The following MYT1L variants were observed in gnomAD, a reference collection of about 807,000 sequenced individuals.
MYT1L encodes myelin transcription factor 1-like protein.
Under a neutral mutation model 126.7 loss-of-function variants are expected in MYT1L, and 12 were observed. The ratio of observed to expected loss-of-function variants is 0.09; its 90% CI spans 0.06 to 0.15. MYT1L has a LOEUF of 0.15. Ranked by LOEUF, MYT1L falls within the 10% of genes least tolerant of loss-of-function variation. The pLI is 1.00. For synonymous variants in MYT1L, 541 were observed against 604.2 expected, an observed-to-expected ratio of 0.90 and a Z score of 1.53; for missense variants, 979 against 1,585.2, an observed-to-expected ratio of 0.62 and a Z score of 6.49.
At chr2:1,831,482 C>G (rs1009384085) in intron 21 of MYT1L, among the ~76,000 whole-genome samples, 2 of 152,204 alleles carry the variant, frequency 1.3e-5, no homozygotes, top group Admixed American at 6.5e-5. Flanking sequence ...CCCCTCTCGT[C>G]TGGTCTGCAT....
At position 1,922,995 on chromosome 2, in the gene MYT1L, A is replaced by G; in HGVS notation, c.774T>C (p.Val258=). 1.9e-6 allele frequency: 3 copies of G among 1,614,028 alleles called. No homozygotes were observed. Among genetic ancestry groups the G allele is most frequent in the Non-Finnish European group, 2.5e-6 (3 of 1,179,888 alleles). Residue 258 remains valine, a synonymous_variant, in exon 10 of 25, where the codon GTT becomes GTC. Coordinates refer to ENST00000647738, the MANE Select transcript of MYT1L (RefSeq NM_001303052.2). This position sits in a 1 kb window ranked among gnomAD's most constrained non-coding sequence, Gnocchi z 7.4. ...GTTTAAGGGAGTCCACTGTTTCTCT[A>G]ACAACATCACTGTCTAAGTCTAAAC... The part of the protein sequence containing the change: ...ELSLDLDSDV[V]RETVDSLKLL...
chr2:1,895,418 T>C (rs2049444512), intron 14 of MYT1L, among the ~76,000 whole-genome samples: 1 of 151,976 alleles, frequency 6.6e-6, no homozygotes, highest in Non-Finnish European at 1.5e-5. Context: ...CTAAGCAAAA[T>C]GAACAAAGCC....
intron 4 of MYT1L, among the ~76,000 whole-genome samples, chr2:2,013,831 T>C (rs1482457044): frequency 1.3e-5 from 2 of 152,262 alleles, no homozygotes; most frequent in African/African-American, 4.8e-5. Context: ...GTGCCATTCA[T>C]GCATTCACAT....
At position 1,910,276 on chromosome 2, in the gene MYT1L, A is replaced by C; in HGVS notation, c.1781T>G (p.Val594Gly). Residue 594 changes from valine to glycine, a missense_variant, in exon 13 of 25, where the codon GTG becomes GGG. Coordinates refer to ENST00000647738, the MANE Select transcript of MYT1L (RefSeq NM_001303052.2). The surrounding 1 kb of genome is among the most constrained non-coding windows in gnomAD (Gnocchi z 4.8). Reference protein sequence around the residue: ...KAQEKHQSCDVSKSSQASDRV... With the variant: ...KAQEKHQSCDGSKSSQASDRV... The stretch of plus-strand genomic sequence containing the variant: ...GTCCGAGGCCTGGCTGGACTTGGAC[A>C]CGTCGCAGCTCTGGTGCTTTTCCTG... 6.2e-7 allele frequency: 1 copy of C among 1,613,332 alleles called. No homozygotes were observed. The highest frequency in any genetic ancestry group is 8.5e-7 in the Non-Finnish European group (1 of 1,179,892).
intron 8 of MYT1L, among the ~76,000 whole-genome samples, chr2:1,955,720 A>G (rs1418490405): frequency 6.6e-6 from 1 of 152,216 alleles, no homozygotes; most frequent in Non-Finnish European, 1.5e-5. Flanking sequence ...ACAAGCTGCC[A>G]TGTCTGCACT....
At chr2:2,126,188 G>A (rs911155174) in intron 3 of MYT1L, among the ~76,000 whole-genome samples, 2 of 152,136 alleles carry the variant, frequency 1.3e-5, no homozygotes, top group Non-Finnish European at 2.9e-5. Flanking sequence ...ATGTCTTTCT[G>A]GTCAAGCTGC....
At chr2:1,868,288 T>C (rs2045856638) in intron 18 of MYT1L, among the ~76,000 whole-genome samples, 1 of 152,346 alleles carries the variant, frequency 6.6e-6, no homozygotes, top group Admixed American at 6.5e-5. Context: ...AAGAAAATCA[T>C]TTAAAAATGT....
chr2:1,947,676 C>A (rs1013059205), intron 8 of MYT1L, among the ~76,000 whole-genome samples: 2 of 152,156 alleles, frequency 1.3e-5, no homozygotes, highest in Admixed American at 6.5e-5. Context: ...TCCATTAGAA[C>A]TTGCTGGGCA....
At chr2:1,886,444 A>T (rs2048183124) in intron 18 of MYT1L, 95 bp downstream of exon 18, 7 of 918,334 alleles carry the variant, frequency 7.6e-6, no homozygotes, top group Middle Eastern at 6.1e-4. Flanking sequence ...ATGTTTTTTA[A>T]CAGACATTTT....
intron 3 of MYT1L, among the ~76,000 whole-genome samples, chr2:2,102,705 C>T (rs1283176519): frequency 1.3e-5 from 2 of 150,120 alleles, no homozygotes; most frequent in African/African-American, 4.9e-5. Context: ...TAACTTGATC[C>T]GTGAAGCACT....
chr2:2,074,587 G>A lies in MYT1L; in HGVS notation c.-303-20464C>T, dbSNP rs552549460. Among the ~76,000 whole-genome samples, 4 of 152,288 alleles carry A rather than the reference G, an allele frequency of 2.6e-5. No homozygotes were observed. The East Asian group carries it at 5.8e-4, about 22-fold the overall frequency. On this transcript the variant is annotated intron_variant, in intron 3 of 24. Transcript: ENST00000647738. ...AGGCTTGAAGAAATTCACACCCAAC[G>A]GGATATGGTTAAAAGCAAAAATGAA...
intron 3 of MYT1L, among the ~76,000 whole-genome samples, chr2:2,084,650 A>T (rs2150341449): frequency 6.6e-6 from 1 of 152,278 alleles, no homozygotes; most frequent in South Asian, 2.1e-4. Flanking sequence ...TGAGGTCCCA[A>T]GTGACCATGG....
chr2:1,954,653 T>C (rs2058182519), intron 8 of MYT1L, among the ~76,000 whole-genome samples: 1 of 152,082 alleles, frequency 6.6e-6, no homozygotes, highest in South Asian at 2.1e-4. Context: ...CAAAGACTCA[T>C]GGGATAGCAC....
intron 2 of MYT1L, among the ~76,000 whole-genome samples, chr2:2,236,379 C>CACCCCAGTACATCCCAACCT (rs1559418645): frequency 2.5e-4 from 37 of 148,676 alleles, no homozygotes; most frequent in African/African-American, 9.0e-4. Flanking sequence ...CATCCCAACC[C>CACCCCAGTACATCCCAACCT]ACCCCAGTAC....
Position 2,228,249 on chromosome 2 carries a change from T to C in MYT1L, c.-420-55261A>G, listed in dbSNP as rs2094066660. ...TGAATATCTGATAAAGTCATTTAGC[T>C]TCATAATTACCTTAAGAGCACAAAG... On this transcript the variant is annotated intron_variant, in intron 2 of 24. Transcript: ENST00000647738. This position sits in a 1 kb window ranked among gnomAD's most constrained non-coding sequence, Gnocchi z 5.9. Among the ~76,000 whole-genome samples the C allele has an allele frequency of 6.6e-6, 1 of 152,220 alleles. No individual in the cohort carries two copies. Among genetic ancestry groups the C allele is most frequent in the Non-Finnish European group, 1.5e-5 (1 of 68,050 alleles).
intron 19 of MYT1L, 38 bp downstream of exon 19, chr2:1,851,603 A>C (rs1558757549): frequency 6.3e-7 from 1 of 1,593,066 alleles, no homozygotes; most frequent in Admixed American, 1.7e-5. Context: ...TTCAGTGAGA[A>C]AGAGCATTTT....
chr2:2,034,361 A>G (rs1326649303), intron 4 of MYT1L, among the ~76,000 whole-genome samples: 1 of 110,082 alleles, frequency 9.1e-6, no homozygotes, highest in African/African-American at 3.8e-5. Flanking sequence ...CCACCCTCCA[A>G]TGCGGGTGCA....
intron 11 of MYT1L, among the ~76,000 whole-genome samples, chr2:1,914,480 G>A (rs774540450): frequency 5.3e-5 from 8 of 151,934 alleles, no homozygotes; most frequent in Non-Finnish European, 8.8e-5. Flanking sequence ...TCCTCCCTAA[G>A]CAATTCCACC....
intron 3 of MYT1L, among the ~76,000 whole-genome samples, chr2:2,056,291 C>T (rs1019796928): frequency 7.2e-5 from 11 of 152,168 alleles, no homozygotes; most frequent in African/African-American, 2.7e-4. Flanking sequence ...CGTGAGGACA[C>T]ACCCTCACAA....
Sources: allele counts gnomAD v4.1 joint callset (sites outside exome capture counted in the v4.1 genomes callset), GRCh38; gene constraint gnomAD v4.1.1; non-coding constraint Gnocchi (gnomAD v3.1); transcripts MANE v1.5; gene names NCBI Gene and HGNC (gene_info 2026-07-23, HGNC 2026-07-21).